Variants in TSEN2 observed in about 807,000 individuals in gnomAD.
TSEN2 encodes the protein tRNA-splicing endonuclease subunit Sen2.
A neutral mutation model predicts 59.2 loss-of-function variants in TSEN2; 54 were observed. The observed-to-expected ratio is 0.91, with a 90% CI of 0.73 to 1.14. TSEN2 has a LOEUF of 1.14. TSEN2 is among the 50% of genes most tolerant of loss of function. The pLI, the probability that TSEN2 is intolerant of heterozygous loss-of-function variation, is 0.00. For missense variants in TSEN2, 636 were observed against 576.2 expected (o/e 1.10, Z -1.06); for synonymous variants, 195 against 198.2 (o/e 0.98, Z 0.14).
chr3:12,505,192 A>G lies in TSEN2; in HGVS notation c.870A>G (p.Pro290=), dbSNP rs542708828. The G allele has an allele frequency of 5.4e-4, 878 of 1,612,328 alleles. 6 individuals carry two copies. The South Asian group carries it at 8.3e-3, about 15-fold the overall frequency. ...ACAGGTTAATATGCAGAAGAAATCC[A>G]TATAGGATCTTTGAGTATTTGCAAC... The part of the protein sequence containing the change: ...QRNRLICRRN[P]YRIFEYLQLS... The change falls in exon 6 of 12, where the codon CCA becomes CCG. Residue 290 remains proline (P), a synonymous_variant. Coordinates refer to ENST00000284995, the MANE Select transcript of TSEN2 (RefSeq NM_025265.4).
At chr3:12,520,719 G>T (rs1380147905) in intron 8 of TSEN2, among the ~76,000 whole-genome samples, 1 of 151,988 alleles carries the variant, frequency 6.6e-6, no homozygotes, top group African/African-American at 2.4e-5. Flanking sequence ...GATCCCGGGA[G>T]GCAGAGGTTG....
At chr3:12,531,142 G>A (rs545929675) in intron 10 of TSEN2, 19 of 174,324 alleles carry the variant, frequency 1.1e-4, no homozygotes, top group East Asian at 4.6e-4. Context: ...CATGGGGACC[G>A]TCCCCCATAA....
intron 3 of TSEN2, among the ~76,000 whole-genome samples, chr3:12,494,470 C>T (rs1225607888): frequency 6.6e-6 from 1 of 152,192 alleles, no homozygotes; most frequent in Non-Finnish European, 1.5e-5. Flanking sequence ...GATCTCAGCT[C>T]ACTGCATCCT....
At chr3:12,498,518 T>C (rs2053978680) in intron 4 of TSEN2, among the ~76,000 whole-genome samples, 1 of 152,226 alleles carries the variant, frequency 6.6e-6, no homozygotes, top group Non-Finnish European at 1.5e-5. Context: ...CTTTGATCAC[T>C]TTCATAGACT....
Position 12,503,633 on chromosome 3 carries a change from C to T in TSEN2, c.680C>T (p.Ala227Val), listed in dbSNP as rs886057910. 1.9e-6 allele frequency: 3 copies of T among 1,596,144 alleles called. No homozygotes were observed. The highest frequency in any genetic ancestry group is 2.7e-5 in the African/African-American group (2 of 74,564). ...LPHVCCCKQDALILQRGLHHE... is the reference protein window; with the variant it reads ...LPHVCCCKQDVLILQRGLHHE... ...CATGTCTGTTGCTGCAAACAAGATGCTCTCATCCTCCAGCGTGGCCTTCAT... is the reference window on the plus strand; with the variant it reads ...CATGTCTGTTGCTGCAAACAAGATGTTCTCATCCTCCAGCGTGGCCTTCAT... The change falls in exon 5 of 12, where the codon GCT becomes GTT. Residue 227 changes from alanine (A) to valine (V), a missense_variant. Coordinates refer to ENST00000284995, the MANE Select transcript of TSEN2 (RefSeq NM_025265.4).
At chr3:12,502,701 T>C (rs1437511435) in intron 4 of TSEN2, among the ~76,000 whole-genome samples, 2 of 146,316 alleles carry the variant, frequency 1.4e-5, no homozygotes, top group Non-Finnish European at 3.0e-5. Flanking sequence ...TTTTTTTTTT[T>C]CAAATAAAGC....
chr3:12,529,384 T>G (rs1294355988), intron 9 of TSEN2, among the ~76,000 whole-genome samples: 1 of 150,256 alleles, frequency 6.7e-6, no homozygotes, highest in Non-Finnish European at 1.5e-5. Flanking sequence ...GAGAATTGCT[T>G]GAACCCAGGA....
intron 8 of TSEN2, among the ~76,000 whole-genome samples, chr3:12,520,147 C>T (rs2056514789): frequency 1.3e-5 from 2 of 152,034 alleles, no homozygotes; most frequent in Non-Finnish European, 2.9e-5. Context: ...TACAGGCGCC[C>T]GCCATCACAC....
chr3:12,536,726 C>T (rs1227787151), downstream of TSEN2, among the ~76,000 whole-genome samples: 4 of 152,008 alleles, frequency 2.6e-5, no homozygotes, highest in Admixed American at 6.6e-5. Flanking sequence ...GGGGGCCAGG[C>T]GCGGTGGCTC....
At chr3:12,492,265 CT>C (rs2053292249) in intron 3 of TSEN2, 48 bp downstream of exon 3, 1 of 1,530,334 alleles carries the variant, frequency 6.5e-7, no homozygotes, top group African/African-American at 1.4e-5. Context: ...AATCATTTTC[CT>C]TTGTTTTTGA....
Position 12,503,691 on chromosome 3 carries a change from G to T in TSEN2, c.738G>T (p.Leu246=), listed in dbSNP as rs1469799141. The T allele has an allele frequency of 6.2e-7, 1 of 1,612,130 alleles. No individual in the cohort carries two copies. ...HEDGSQHIGL[L]HPGDRGPDHE... ...ACGGCAGCCAGCACATCGGCCTCCT[G>T]CATCCTGGGGACAGAGGGCCTGACC... Residue 246 remains leucine (L), a synonymous_variant, in exon 5 of 12, where the codon CTG becomes CTT. Coordinates refer to ENST00000284995, the MANE Select transcript of TSEN2 (RefSeq NM_025265.4).
chr3:12,487,963 C>G (rs1351644984), intron 1 of TSEN2, among the ~76,000 whole-genome samples: 1 of 150,298 alleles, frequency 6.7e-6, no homozygotes, highest in South Asian at 2.1e-4. Flanking sequence ...TAGGAAGGTT[C>G]CAACTTCCCG....
At chr3:12,522,363 ATGTACAATTAATACATTAAT>A (rs568324614) in intron 8 of TSEN2, among the ~76,000 whole-genome samples, 27 of 152,318 alleles carry the variant, frequency 1.8e-4, no homozygotes, top group South Asian at 6.2e-4. Flanking sequence ...CTAGAAACAG[ATGTACAATTAATACATTAAT>A]TGTACAATTA....
chr3:12,518,399 A>G (rs989062585), intron 7 of TSEN2, among the ~76,000 whole-genome samples: 1 of 152,164 alleles, frequency 6.6e-6, no homozygotes, highest in Non-Finnish European at 1.5e-5. Flanking sequence ...GGCTTGTTAC[A>G]GTGAGCCCCC....
At chr3:12,480,676 G>A (rs569521669), upstream of TSEN2, among the ~76,000 whole-genome samples, 77 of 151,850 alleles carry the variant, frequency 5.1e-4, 1 homozygote, top group Admixed American at 2.3e-3. Flanking sequence ...GATTACAGGC[G>A]CATCACCATG....
chr3:12,498,968 C>T (rs1453673558), intron 4 of TSEN2, among the ~76,000 whole-genome samples: 1 of 152,106 alleles, frequency 6.6e-6, no homozygotes, highest in Non-Finnish European at 1.5e-5. Flanking sequence ...CGCTCTTGCC[C>T]AGGCTGGTCT....
At chr3:12,521,234 GGTACT>G (rs979609443) in intron 8 of TSEN2, among the ~76,000 whole-genome samples, 1 of 152,206 alleles carries the variant, frequency 6.6e-6, no homozygotes, top group African/African-American at 2.4e-5. Context: ...CTGTGGGCCA[GGTACT>G]GTTTGAGGCA....
Position 12,503,724 on chromosome 3 carries a change from C to T in TSEN2, c.771C>T (p.Tyr257=), listed in dbSNP as rs780292917. 6.2e-6 allele frequency: 10 copies of T among 1,613,952 alleles called. No homozygotes were observed. Among genetic ancestry groups the T allele is most frequent in the South Asian group, 1.1e-5 (1 of 91,054 alleles). The change falls in exon 5 of 12, where the codon TAC becomes TAT. Residue 257 remains tyrosine, a synonymous_variant. Transcript: ENST00000284995. ...GGGACAGAGGGCCTGACCATGAGTA[C>T]GTGCTGGTCGAGGAAGCGGAGTGTG... ...HPGDRGPDHE[Y]VLVEEAECAM...
intron 6 of TSEN2, among the ~76,000 whole-genome samples, chr3:12,510,410 G>A (rs1240464504): frequency 2.6e-5 from 4 of 152,160 alleles, no homozygotes; most frequent in Non-Finnish European, 4.4e-5. Flanking sequence ...GTACTTCTGT[G>A]TATTGTTCGT....
Sources: gnomAD v4.1 joint callset for allele counts (sites outside exome capture counted in the v4.1 genomes callset) on GRCh38, gnomAD v4.1.1 for gene constraint, MANE v1.5 for transcripts, NCBI Gene and HGNC (gene_info 2026-07-23, HGNC 2026-07-21) for gene names.